DPYD: variants seen among roughly 807,000 people sequenced by gnomAD.
The protein encoded by DPYD is dihydropyrimidine dehydrogenase [NADP(+)].
Under a neutral mutation model 116.2 loss-of-function variants are expected in DPYD, and 109 were observed. That is an observed-to-expected ratio of 0.94 (90% CI 0.80 to 1.10). The LOEUF is 1.10. Ranked by LOEUF, DPYD falls within the 50% of genes least tolerant of loss-of-function variation. DPYD has a pLI of 0.00. For missense variants in DPYD, 1,302 were observed against 1,254.5 expected (o/e 1.04, Z -0.57); for synonymous variants, 440 against 432.0 (o/e 1.02, Z -0.23).
At chr1:97,268,706 C>A (rs1029218220) in intron 18 of DPYD, among the ~76,000 whole-genome samples, 2 of 152,070 alleles carry the variant, frequency 1.3e-5, no homozygotes, top group African/African-American at 4.8e-5. Context: ...GTGCAGGGCA[C>A]CTAATGCTGA....
chr1:97,103,338 T>C (rs956678608), intron 20 of DPYD, among the ~76,000 whole-genome samples: 3 of 152,140 alleles, frequency 2.0e-5, no homozygotes, highest in Non-Finnish European at 2.9e-5. Flanking sequence ...TTTTCCCATA[T>C]GTAAGTGGCA....
intron 1 of DPYD, among the ~76,000 whole-genome samples, chr1:97,887,017 G>T (rs1262986020): frequency 6.6e-6 from 1 of 151,926 alleles, no homozygotes; most frequent in African/African-American, 2.4e-5. Flanking sequence ...TAAGATCTGG[G>T]TGTGACATTA....
intron 18 of DPYD, among the ~76,000 whole-genome samples, chr1:97,245,923 A>G (rs564818139): frequency 4.6e-5 from 7 of 152,256 alleles, no homozygotes; most frequent in Admixed American, 3.9e-4. Flanking sequence ...ACAAAGAATT[A>G]CATGTGTTAA....
intron 12 of DPYD, among the ~76,000 whole-genome samples, chr1:97,527,192 T>C (rs995536675): frequency 7.9e-5 from 12 of 151,850 alleles, no homozygotes; most frequent in Non-Finnish European, 1.6e-4. Context: ...CATTTTCCTG[T>C]CTCAGCCTCT....
chr1:97,729,555 A>G (rs903125359), intron 4 of DPYD, among the ~76,000 whole-genome samples: 1 of 152,154 alleles, frequency 6.6e-6, no homozygotes, highest in African/African-American at 2.4e-5. Flanking sequence ...TTAAATAAAT[A>G]TTCCATGTTA....
At chr1:97,612,961 T>C (rs182882845) in intron 8 of DPYD, among the ~76,000 whole-genome samples, 6 of 152,184 alleles carry the variant, frequency 3.9e-5, no homozygotes, top group South Asian at 2.1e-4. Flanking sequence ...TTACTGATTA[T>C]TATAGAGTTT....
At chr1:97,230,724 G>C (rs1661535286) in intron 19 of DPYD, among the ~76,000 whole-genome samples, 1 of 152,138 alleles carries the variant, frequency 6.6e-6, no homozygotes, top group Admixed American at 6.5e-5. Flanking sequence ...ATGTGGCGTG[G>C]GTCTAAGGGT....
intron 16 of DPYD, among the ~76,000 whole-genome samples, chr1:97,333,574 G>A (rs965738058): frequency 4.9e-5 from 7 of 142,908 alleles, no homozygotes; most frequent in African/African-American, 1.1e-4. Flanking sequence ...AGGCTGGAGT[G>A]CAATGGCAAG....
intron 18 of DPYD, among the ~76,000 whole-genome samples, chr1:97,245,665 T>G (rs182496055): frequency 4.6e-5 from 7 of 152,272 alleles, no homozygotes; most frequent in African/African-American, 1.7e-4. Flanking sequence ...AGTTTCATTT[T>G]ACTCTTGGGA....
At chr1:97,145,734 A>ATGTACTT (rs1351081260) in intron 20 of DPYD, among the ~76,000 whole-genome samples, 1 of 143,796 alleles carries the variant, frequency 7.0e-6, no homozygotes, top group Non-Finnish European at 1.5e-5. Context: ...ACAGAAAAGA[A>ATGTACTT]TTGTGTGGGT....
intron 21 of DPYD, among the ~76,000 whole-genome samples, chr1:97,091,124 G>C (rs1053506638): frequency 6.6e-6 from 1 of 152,190 alleles, no homozygotes; most frequent in African/African-American, 2.4e-5. Flanking sequence ...AACTTGTTCA[G>C]ACAAGAGGGG....
At chr1:97,272,406 T>C (rs1041853991) in intron 18 of DPYD, among the ~76,000 whole-genome samples, 11 of 152,144 alleles carry the variant, frequency 7.2e-5, no homozygotes, top group Non-Finnish European at 1.2e-4. Flanking sequence ...TCCGTCTGAA[T>C]TGTCCTGACA....
intron 8 of DPYD, among the ~76,000 whole-genome samples, chr1:97,622,266 T>C (rs1286552915): frequency 1.3e-5 from 2 of 152,054 alleles, no homozygotes; most frequent in Non-Finnish European, 2.9e-5. Flanking sequence ...AGCTTATTGA[T>C]AGTATATAAA....
chr1:97,263,002 A>G lies in DPYD; in HGVS notation c.2300-28008T>C, dbSNP rs12081878. On this transcript the variant is annotated intron_variant, in intron 18 of 22. Transcript: ENST00000370192. ...ATAACAGTTCTCAGTGTTGGGTTAT[A>G]GTGTCAATGCAAGACTTGAGCTGTG... 9.8e-3 allele frequency among the ~76,000 whole-genome samples: 1,499 copies of G among 152,224 alleles called. 22 individuals carry two copies. Among genetic ancestry groups the G allele is most frequent in the African/African-American group, 0.034 (1,431 of 41,552 alleles).
chr1:97,666,712 G>C (rs1046440936), intron 8 of DPYD, among the ~76,000 whole-genome samples: 1 of 152,102 alleles, frequency 6.6e-6, no homozygotes, highest in African/African-American at 2.4e-5. Context: ...AGCAAGGTTG[G>C]TTTCTCACCA....
intron 20 of DPYD, among the ~76,000 whole-genome samples, chr1:97,135,830 C>T (rs1360540881): frequency 6.6e-6 from 1 of 151,998 alleles, no homozygotes; most frequent in Non-Finnish European, 1.5e-5. Flanking sequence ...TAATGATGGA[C>T]CTTGTTAAAA....
At chr1:97,834,036 T>C (rs757612823) in intron 2 of DPYD, among the ~76,000 whole-genome samples, 20 of 152,108 alleles carry the variant, frequency 1.3e-4, no homozygotes, top group Non-Finnish European at 2.4e-4. Flanking sequence ...CCAACGTCTA[T>C]GTGCAACAAA....
chr1:97,912,509 C>T (rs1358323761), intron 1 of DPYD, among the ~76,000 whole-genome samples: 1 of 151,988 alleles, frequency 6.6e-6, no homozygotes, highest in Non-Finnish European at 1.5e-5. Flanking sequence ...GGAAAGATTA[C>T]CTCGTGCACA....
At chr1:97,196,502 C>T (rs1051690065) in intron 19 of DPYD, among the ~76,000 whole-genome samples, 1 of 152,058 alleles carries the variant, frequency 6.6e-6, no homozygotes, top group Non-Finnish European at 1.5e-5. Context: ...AGACTGATTT[C>T]TGTGTATGAG....
Sources: allele counts gnomAD v4.1 joint callset (sites outside exome capture counted in the v4.1 genomes callset), GRCh38; gene constraint gnomAD v4.1.1; transcripts MANE v1.5; gene names NCBI Gene and HGNC (gene_info 2026-07-23, HGNC 2026-07-21).